Variants in PDE4D observed in about 807,000 individuals in gnomAD.
PDE4D encodes the protein 3',5'-cyclic-AMP phosphodiesterase 4D.
A neutral mutation model predicts 87.4 loss-of-function variants in PDE4D; 24 were observed. The ratio of observed to expected loss-of-function variants is 0.27; its 90% confidence interval spans 0.20 to 0.39. The LOEUF (loss-of-function observed/expected upper bound fraction) is 0.39, where lower values mean the gene tolerates loss of function less well. Ranked by LOEUF, PDE4D falls within the 10% of genes least tolerant of loss-of-function variation. PDE4D has a pLI of 1.00. For missense variants in PDE4D, 714 were observed against 1,041.0 expected (o/e 0.69, Z 4.32); for synonymous variants, 384 against 383.2 (o/e 1.00, Z -0.02).
At chr5:59,642,463 C>T (rs1337766951) in intron 1 of PDE4D, among the ~76,000 whole-genome samples, 1 of 152,038 alleles carries the variant, frequency 6.6e-6, no homozygotes, top group African/African-American at 2.4e-5. Flanking sequence ...GGGGGACACC[C>T]GGTGGGAGAT....
At chr5:60,498,240 C>T (rs2150243083) in intron 1 of PDE4D, among the ~76,000 whole-genome samples, 1 of 151,948 alleles carries the variant, frequency 6.6e-6, no homozygotes, top group African/African-American at 2.4e-5. Context: ...AAAGATTGTG[C>T]TGTGACTCAG....
At chr5:59,878,716 T>A (rs939021065) in intron 1 of PDE4D, among the ~76,000 whole-genome samples, 1 of 151,728 alleles carries the variant, frequency 6.6e-6, no homozygotes, top group Non-Finnish European at 1.5e-5. Flanking sequence ...TTTCCACTTT[T>A]AAAAAAAACC....
intron 1 of PDE4D, among the ~76,000 whole-genome samples, chr5:60,504,872 G>A (rs572409714): frequency 3.3e-5 from 5 of 152,192 alleles, no homozygotes; most frequent in African/African-American, 7.2e-5. Context: ...GTTTAAAGCC[G>A]GGTTGCAAAT....
intron 1 of PDE4D, among the ~76,000 whole-genome samples, chr5:59,564,273 G>C (rs1004499982): frequency 3.3e-5 from 5 of 152,172 alleles, no homozygotes; most frequent in African/African-American, 1.2e-4. Flanking sequence ...GAGATAGAAA[G>C]GGAGCTTCAG....
At chr5:60,185,586 T>C in exon 2 of PDE4D, 1 of 1,531,080 alleles carries the variant, frequency 6.5e-7, no homozygotes, top group Non-Finnish European at 8.8e-7. Flanking sequence ...AAATCACAGG[T>C]ATTTCTTTTC....
At chr5:59,858,962 G>T (rs1312816602) in intron 1 of PDE4D, among the ~76,000 whole-genome samples, 2 of 152,150 alleles carry the variant, frequency 1.3e-5, no homozygotes, top group Admixed American at 6.5e-5. Flanking sequence ...AGAGGCTCCA[G>T]AACAAACACT....
chr5:59,553,340 C>T (rs923651548), intron 1 of PDE4D, among the ~76,000 whole-genome samples: 5 of 152,124 alleles, frequency 3.3e-5, no homozygotes, highest in African/African-American at 9.7e-5. Context: ...AAAGCATCCT[C>T]TCTCAAGTTT....
chr5:60,009,411 T>C (rs888172820), intron 2 of PDE4D, among the ~76,000 whole-genome samples: 16 of 152,032 alleles, frequency 1.1e-4, no homozygotes, highest in Non-Finnish European at 1.9e-4. Flanking sequence ...TAATTATTTA[T>C]CGAGTGCCTA....
At chr5:59,345,559 A>G (rs1424403114) in intron 1 of PDE4D, among the ~76,000 whole-genome samples, 1 of 152,196 alleles carries the variant, frequency 6.6e-6, no homozygotes, top group Non-Finnish European at 1.5e-5. Context: ...GGAGAAACAG[A>G]CAGAGTGTGA....
At chr5:59,976,416 G>A (rs967971937) in intron 3 of PDE4D, among the ~76,000 whole-genome samples, 4 of 152,106 alleles carry the variant, frequency 2.6e-5, no homozygotes, top group African/African-American at 4.8e-5. Context: ...CTGTGGTCAT[G>A]AGTTATTGTG....
intron 1 of PDE4D, among the ~76,000 whole-genome samples, chr5:59,588,686 AAGG>A (rs771642999): frequency 2.5e-3 from 374 of 152,300 alleles, no homozygotes; most frequent in Middle Eastern, 0.014. Flanking sequence ...ATGATCCTAA[AAGG>A]AGGATTCCTA....
At chr5:60,412,118 G>C (rs1742093809) in intron 1 of PDE4D, among the ~76,000 whole-genome samples, 1 of 152,056 alleles carries the variant, frequency 6.6e-6, no homozygotes, top group South Asian at 2.1e-4. Flanking sequence ...TCCATTCATG[G>C]CTGGGTTCAT....
chr5:60,423,767 T>C (rs1469150580), intron 1 of PDE4D, among the ~76,000 whole-genome samples: 1 of 152,150 alleles, frequency 6.6e-6, no homozygotes, highest in East Asian at 1.9e-4. Context: ...AGTTGGTTTT[T>C]TGAAAAGATC....
At chr5:59,220,225 A>G (rs893492481) in intron 1 of PDE4D, among the ~76,000 whole-genome samples, 2 of 148,086 alleles carry the variant, frequency 1.4e-5, no homozygotes, top group Non-Finnish European at 3.0e-5. Flanking sequence ...AAGGTAGAAA[A>G]CAGAGTAGAG....
chr5:59,494,711 G>A (rs1430872882), intron 1 of PDE4D, among the ~76,000 whole-genome samples: 1 of 152,024 alleles, frequency 6.6e-6, no homozygotes, highest in Non-Finnish European at 1.5e-5. Context: ...AAAAAACCAA[G>A]AAAATTCTAA....
intron 1 of PDE4D, among the ~76,000 whole-genome samples, chr5:59,491,380 C>A (rs1190120832): frequency 6.6e-6 from 1 of 152,164 alleles, no homozygotes; most frequent in African/African-American, 2.4e-5. Flanking sequence ...TGCACCATTA[C>A]CTTCTACCTC....
intron 1 of PDE4D, among the ~76,000 whole-genome samples, chr5:59,265,642 A>T (rs920047809): frequency 6.6e-6 from 1 of 152,096 alleles, no homozygotes; most frequent in Admixed American, 6.6e-5. Context: ...CTCATTGAAC[A>T]TATTAACATA....
chr5:59,039,368 G>A, intron 5 of PDE4D: 1 of 1,028,576 alleles, frequency 9.7e-7, no homozygotes, highest in Non-Finnish European at 1.2e-6. Flanking sequence ...TTGGGTGCCC[G>A]CCCCGCAGAG....
At chr5:60,477,030 T>C (rs1261928695) in intron 1 of PDE4D, among the ~76,000 whole-genome samples, 1 of 152,192 alleles carries the variant, frequency 6.6e-6, no homozygotes, top group East Asian at 1.9e-4. Context: ...TATGTGTGAC[T>C]GGGCAAAGTG....
Sources: allele counts gnomAD v4.1 joint callset (sites outside exome capture counted in the v4.1 genomes callset), GRCh38; gene constraint gnomAD v4.1.1; transcripts MANE v1.5; gene names NCBI Gene and HGNC (gene_info 2026-07-23, HGNC 2026-07-21).